CTNND2: variants seen among roughly 807,000 people sequenced by gnomAD.
CTNND2 encodes catenin delta 2, also known as catenin delta-2.
In CTNND2, 22 loss-of-function variants were observed where a neutral mutation model predicts 144.4. That is an observed-to-expected ratio of 0.15 (90% CI 0.11 to 0.22). The LOEUF is 0.22. Ranked by LOEUF, CTNND2 falls within the 10% of genes least tolerant of loss-of-function variation. CTNND2 has a pLI of 1.00. For synonymous variants in CTNND2, 751 were observed against 695.6 expected (o/e 1.08, Z -1.25); for missense variants, 1,353 against 1,618.8 (o/e 0.84, Z 2.82).
chr5:11,536,771 C>T (rs1047634830), intron 3 of CTNND2, among the ~76,000 whole-genome samples: 1 of 152,004 alleles, frequency 6.6e-6, no homozygotes, highest in Non-Finnish European at 1.5e-5. Flanking sequence ...ACATTGGGTA[C>T]AGTGCGCACT....
intron 7 of CTNND2, among the ~76,000 whole-genome samples, chr5:11,382,637 GTGTGTGTGTA>G (rs1294107172): frequency 8.8e-5 from 13 of 148,546 alleles, no homozygotes; most frequent in African/African-American, 2.5e-4. Flanking sequence ...GTGTGTGTGT[GTGTGTGTGTA>G]GAATGATGAA....
At chr5:11,781,297 C>T (rs1790531511) in intron 1 of CTNND2, among the ~76,000 whole-genome samples, 1 of 152,224 alleles carries the variant, frequency 6.6e-6, no homozygotes, top group African/African-American at 2.4e-5. Context: ...AAGCTTATGC[C>T]TTTCCAATTT....
At chr5:11,618,435 G>C (rs16901807) in intron 2 of CTNND2, among the ~76,000 whole-genome samples, 2,283 of 152,214 alleles carry the variant, frequency 0.015, 60 homozygotes, top group African/African-American at 0.049. Flanking sequence ...AAAAACTTCT[G>C]GCCACTTGTG....
At chr5:11,634,609 A>C (rs759348301) in intron 2 of CTNND2, among the ~76,000 whole-genome samples, 1 of 152,182 alleles carries the variant, frequency 6.6e-6, no homozygotes, top group Non-Finnish European at 1.5e-5. Flanking sequence ...TCAGATCAGG[A>C]AAGTTGAATA....
At chr5:11,802,356 T>G (rs1366797424) in intron 1 of CTNND2, among the ~76,000 whole-genome samples, 1 of 150,966 alleles carries the variant, frequency 6.6e-6, no homozygotes, top group Non-Finnish European at 1.5e-5. Context: ...TCACCTGAGG[T>G]CAGGAGTTTG....
chr5:11,681,733 A>G (rs1000981384), intron 2 of CTNND2, among the ~76,000 whole-genome samples: 8 of 152,234 alleles, frequency 5.3e-5, no homozygotes, highest in Non-Finnish European at 1.5e-5. Flanking sequence ...CACAATTAAT[A>G]ATTTGATGTG....
intron 1 of CTNND2, among the ~76,000 whole-genome samples, chr5:11,755,366 TTTTAATA>T (rs1788872526): frequency 6.6e-6 from 1 of 151,640 alleles, no homozygotes; most frequent in African/African-American, 2.4e-5. Context: ...CTCTAGATGC[TTTTAATA>T]TTTTTTTCTT....
At chr5:11,352,088 G>A (rs1260142867) in intron 8 of CTNND2, among the ~76,000 whole-genome samples, 1 of 152,004 alleles carries the variant, frequency 6.6e-6, no homozygotes, top group Non-Finnish European at 1.5e-5. Flanking sequence ...AATACTCAAG[G>A]GTAAATTTGA....
At chr5:11,360,254 T>C (rs1055714631) in intron 8 of CTNND2, among the ~76,000 whole-genome samples, 15 of 152,162 alleles carry the variant, frequency 9.9e-5, no homozygotes, top group Non-Finnish European at 2.2e-4. Flanking sequence ...GGGGAAAAGC[T>C]AATTGAGAAA....
chr5:11,340,083 G>A (rs549037031), intron 9 of CTNND2, among the ~76,000 whole-genome samples: 17 of 152,290 alleles, frequency 1.1e-4, no homozygotes, highest in Admixed American at 3.3e-4. Flanking sequence ...AGGCCTGAGT[G>A]TTCCCACTGG....
Position 11,195,515 on chromosome 5 carries a change from T to C in CTNND2, c.1975+3933A>G, listed in dbSNP as rs181897329. On this transcript the variant is annotated intron_variant, in intron 11 of 21. Coordinates refer to ENST00000304623, the MANE Select transcript of CTNND2 (RefSeq NM_001332.4). Reference sequence around the variant, plus strand: ...GGACTTCTATGGAGAAAGGAGGGAATTAATGATGCCCGAAATGAAGGACAA... The same window carrying C: ...GGACTTCTATGGAGAAAGGAGGGAACTAATGATGCCCGAAATGAAGGACAA... 2.0e-4 allele frequency among the ~76,000 whole-genome samples: 30 copies of C among 152,270 alleles called. No homozygotes were observed. The East Asian group carries it at 5.4e-3, about 27-fold the overall frequency.
chr5:11,497,675 T>C (rs1770106526), intron 3 of CTNND2, among the ~76,000 whole-genome samples: 1 of 151,844 alleles, frequency 6.6e-6, no homozygotes, highest in South Asian at 2.1e-4. Flanking sequence ...TTCTAGACAT[T>C]GACTTGTGTG....
intron 16 of CTNND2, among the ~76,000 whole-genome samples, chr5:11,046,702 G>T (rs1207695915): frequency 6.6e-6 from 1 of 152,038 alleles, no homozygotes; most frequent in African/African-American, 2.4e-5. Context: ...TCTCAACTTG[G>T]TATTTAAGAC....
At chr5:11,586,862 C>G (rs115269823) in intron 2 of CTNND2, among the ~76,000 whole-genome samples, 3,425 of 152,062 alleles carry the variant, frequency 0.023, 122 homozygotes, top group African/African-American at 0.079. Flanking sequence ...GTTTGACTCT[C>G]TGCTTTTGTT....
chr5:11,696,908 C>T (rs1466980012), intron 2 of CTNND2, among the ~76,000 whole-genome samples: 1 of 152,112 alleles, frequency 6.6e-6, no homozygotes. Flanking sequence ...ACATTTTTGC[C>T]CTTTATAGAA....
chr5:11,385,309 A>G, intron 6 of CTNND2, 80 bp from the exon 7 acceptor site: 1 of 952,802 alleles, frequency 1.0e-6, no homozygotes. Flanking sequence ...CGGCCCCGAG[A>G]GCAGAGGCAC....
At position 11,244,912 on chromosome 5, in the gene CTNND2, A is replaced by G. The variant is rs140697073; in HGVS notation, c.1629-8089T>C. Among the ~76,000 whole-genome samples the G allele has an allele frequency of 6.5e-4, 99 of 152,338 alleles. 1 individual carries two copies. Among genetic ancestry groups the G allele is most frequent in the African/African-American group, 1.9e-3 (80 of 41,582 alleles). On this transcript the variant is annotated intron_variant, in intron 9 of 21. Transcript: ENST00000304623. ...CCAATCAGATATTCCCTTCTCATAT[A>G]AAATTTGTATTATTAATTATACCCA...
intron 12 of CTNND2, among the ~76,000 whole-genome samples, chr5:11,140,384 G>T (rs919384500): frequency 6.6e-6 from 1 of 152,076 alleles, no homozygotes; most frequent in Non-Finnish European, 1.5e-5. Context: ...AACATTATCT[G>T]GTCAATTTAT....
intron 3 of CTNND2, among the ~76,000 whole-genome samples, chr5:11,512,300 G>A (rs775619821): frequency 1.3e-5 from 2 of 152,140 alleles, no homozygotes; most frequent in Non-Finnish European, 2.9e-5. Context: ...TAAATTGTGC[G>A]GTTAGTCCTG....
Sources: gnomAD v4.1 joint callset for allele counts (sites outside exome capture counted in the v4.1 genomes callset) on GRCh38, gnomAD v4.1.1 for gene constraint, MANE v1.5 for transcripts, NCBI Gene and HGNC (gene_info 2026-07-23, HGNC 2026-07-21) for gene names.